Variants in PLBD1 observed in about 807,000 individuals in gnomAD.
The protein encoded by PLBD1 is phospholipase B domain containing 1.
PLBD1 carries 60 observed loss-of-function variants against 63.0 expected under a neutral mutation model. The observed-to-expected ratio is 0.95, with a 90% confidence interval of 0.77 to 1.18. The LOEUF is 1.18. Ranked by LOEUF, PLBD1 falls within the 50% of genes most tolerant of loss-of-function variation. PLBD1 has a pLI of 0.00. For missense variants in PLBD1, 598 were observed against 677.9 expected (o/e 0.88, Z 1.31); for synonymous variants, 262 against 248.0 (o/e 1.06, Z -0.53).
rs1215487438 is a variant in PLBD1 at position 14,503,910 on chromosome 12, T to G, written c.1524A>C (p.Ile508=). The G allele has an allele frequency of 6.2e-7, 1 of 1,613,962 alleles. No homozygotes were observed. Among genetic ancestry groups the G allele is most frequent in the Non-Finnish European group, 8.5e-7 (1 of 1,179,972 alleles). The change falls in exon 11 of 11, where the codon ATA becomes ATC. Residue 508 remains isoleucine (I), a synonymous_variant. Coordinates refer to ENST00000240617, the MANE Select transcript of PLBD1 (RefSeq NM_024829.6). ...YLASQYTSYA[I]SGPTVQGGLP... ...GGCCACCTTGTACTGTGGGACCACT[T>G]ATGGCATAGGATGTGTACTGAGATG...
intron 4 of PLBD1, among the ~76,000 whole-genome samples, chr12:14,537,105 A>G (rs900379107): frequency 6.6e-6 from 1 of 151,962 alleles, no homozygotes; most frequent in Non-Finnish European, 1.5e-5. Flanking sequence ...AAAAAAAAAA[A>G]AAAAGTTATT....
chr12:14,532,214 A>T (rs890687581), intron 6 of PLBD1, among the ~76,000 whole-genome samples: 1 of 152,154 alleles, frequency 6.6e-6, no homozygotes, highest in Admixed American at 6.5e-5. Flanking sequence ...CCAAGACAGT[A>T]GGAAGTCACA....
intron 10 of PLBD1, 57 bp downstream of exon 10, chr12:14,506,105 C>A: frequency 1.6e-6 from 2 of 1,257,704 alleles, no homozygotes; most frequent in Non-Finnish European, 1.1e-6. Flanking sequence ...GCAACTTTGC[C>A]TTTGGAGAGG....
chr12:14,554,673 C>A (rs377050880), intron 1 of PLBD1, among the ~76,000 whole-genome samples: 2 of 151,954 alleles, frequency 1.3e-5, no homozygotes, highest in African/African-American at 4.8e-5. Flanking sequence ...GATACCAATG[C>A]GTCTTCTGCC....
At chr12:14,540,017 T>A (rs61920172) in intron 4 of PLBD1, among the ~76,000 whole-genome samples, 171 of 2,520 alleles carry the variant, frequency 0.068, 7 homozygotes, top group South Asian at 0.25. Flanking sequence ...TATGCACATA[T>A]ATATATATAT....
chr12:14,534,946 T>C (rs549312109), intron 6 of PLBD1, among the ~76,000 whole-genome samples: 52 of 152,250 alleles, frequency 3.4e-4, no homozygotes, highest in African/African-American at 1.2e-3. Context: ...CTCCCGTCCA[T>C]CTCTACTTTT....
chr12:14,537,515 T>C (rs1945530244), intron 4 of PLBD1, among the ~76,000 whole-genome samples: 1 of 152,192 alleles, frequency 6.6e-6, no homozygotes, highest in Admixed American at 6.5e-5. Flanking sequence ...GCAAAAACAT[T>C]CAACTAAGAT....
At chr12:14,567,553 G>A (rs1298135585) in intron 1 of PLBD1, 29 bp downstream of exon 1, 1 of 1,468,218 alleles carries the variant, frequency 6.8e-7, no homozygotes, top group Non-Finnish European at 8.9e-7. Context: ...CTCCCCGGGC[G>A]CCCCCCGCCC....
At chr12:14,528,396 A>C (rs191457207) in intron 6 of PLBD1, among the ~76,000 whole-genome samples, 139 of 152,054 alleles carry the variant, frequency 9.1e-4, no homozygotes, top group African/African-American at 3.2e-3. Context: ...CTCTGATCTC[A>C]GAATAAATTA....
chr12:14,517,773 T>A (rs1036748807), intron 6 of PLBD1, among the ~76,000 whole-genome samples: 3 of 152,162 alleles, frequency 2.0e-5, no homozygotes, highest in Admixed American at 1.3e-4. Flanking sequence ...TAAAGAGAAG[T>A]TTGATGTTTT....
chr12:14,525,973 T>C (rs555702814), intron 6 of PLBD1, among the ~76,000 whole-genome samples: 8 of 145,120 alleles, frequency 5.5e-5, no homozygotes, highest in Non-Finnish European at 1.0e-4. Flanking sequence ...GACAACAATT[T>C]TAAAAATGCA....
chr12:14,524,206 G>A (rs928669950), intron 6 of PLBD1, among the ~76,000 whole-genome samples: 2 of 152,136 alleles, frequency 1.3e-5, no homozygotes, highest in African/African-American at 2.4e-5. Context: ...ATTACAGTTA[G>A]ATAGAAGGAG....
intron 2 of PLBD1, among the ~76,000 whole-genome samples, chr12:14,543,147 T>C (rs1028148452): frequency 1.3e-5 from 2 of 152,190 alleles, no homozygotes; most frequent in Non-Finnish European, 2.9e-5. Flanking sequence ...ACTATCCCTT[T>C]ATTTGTCCCC....
chr12:14,537,249 C>G (rs1187611138), intron 4 of PLBD1, among the ~76,000 whole-genome samples: 1 of 152,136 alleles, frequency 6.6e-6, no homozygotes, highest in Admixed American at 6.5e-5. Flanking sequence ...GGAGTGGCTC[C>G]TTGGAGAGTA....
intron 6 of PLBD1, among the ~76,000 whole-genome samples, chr12:14,523,850 C>T (rs1358217907): frequency 6.6e-6 from 1 of 152,150 alleles, no homozygotes; most frequent in Non-Finnish European, 1.5e-5. Flanking sequence ...GAGATATCCA[C>T]ACTCTCATGC....
intron 8 of PLBD1, 127 bp from the exon 9 acceptor site, chr12:14,507,245 A>T: frequency 6.9e-6 from 5 of 724,960 alleles, no homozygotes; most frequent in South Asian, 6.2e-5. Flanking sequence ...TTAATTACAA[A>T]ATAATGTACA....
chr12:14,505,388 G>C (rs916792553), intron 10 of PLBD1, among the ~76,000 whole-genome samples: 1 of 152,176 alleles, frequency 6.6e-6, no homozygotes, highest in Admixed American at 6.5e-5. Flanking sequence ...AGTGCAAAAG[G>C]ATGTAGTAGC....
At chr12:14,523,267 C>G (rs951815312) in intron 6 of PLBD1, among the ~76,000 whole-genome samples, 2 of 151,860 alleles carry the variant, frequency 1.3e-5, no homozygotes, top group African/African-American at 4.8e-5. Context: ...GCTACAAAAA[C>G]AAACACTTAA....
At chr12:14,514,026 G>A (rs143708805) in intron 6 of PLBD1, among the ~76,000 whole-genome samples, 8,389 of 152,058 alleles carry the variant, frequency 0.055, 748 homozygotes, top group African/African-American at 0.19. Context: ...TGATCTGCCC[G>A]CCTCGGCCTC....
Sources: gnomAD v4.1 joint callset for allele counts (sites outside exome capture counted in the v4.1 genomes callset) on GRCh38, gnomAD v4.1.1 for gene constraint, MANE v1.5 for transcripts, NCBI Gene and HGNC (gene_info 2026-07-23, HGNC 2026-07-21) for gene names.